NUF2: variants seen among roughly 807,000 people sequenced by gnomAD.
The protein encoded by NUF2 is NUF2 component of NDC80 kinetochore complex, also known as kinetochore protein Nuf2.
Under a neutral mutation model 61.8 loss-of-function variants are expected in NUF2, and 34 were observed. That is an observed-to-expected ratio of 0.55 (90% CI 0.42 to 0.73). The LOEUF is 0.73. NUF2 is among the 30% of genes least tolerant of loss of function. The pLI is 0.00. For missense variants in NUF2, 445 were observed against 539.1 expected (o/e 0.83, Z 1.73); for synonymous variants, 172 against 181.6 (o/e 0.95, Z 0.42).
At chr1:163,336,909 T>C (rs1650778442) in intron 6 of NUF2, 61 bp downstream of exon 6, 2 of 1,057,862 alleles carry the variant, frequency 1.9e-6, no homozygotes, top group South Asian at 2.6e-5. Flanking sequence ...TATGAACTTA[T>C]AATCTGTTTT....
chr1:163,340,627 C>G (rs1650913149), intron 9 of NUF2, among the ~76,000 whole-genome samples: 1 of 152,146 alleles, frequency 6.6e-6, no homozygotes, highest in Non-Finnish European at 1.5e-5. Context: ...AAGTAAACAT[C>G]ACCTGAAAGC....
chr1:163,355,190 CAT>C (rs2101696710), intron 13 of NUF2, 143 bp from the exon 14 acceptor site: 1 of 575,906 alleles, frequency 1.7e-6, no homozygotes, highest in East Asian at 3.2e-5. Context: ...TTAAAGCAGA[CAT>C]AGACATGCAC....
intron 9 of NUF2, among the ~76,000 whole-genome samples, chr1:163,341,769 A>C (rs1650954894): frequency 1.3e-5 from 2 of 152,062 alleles, no homozygotes; most frequent in Non-Finnish European, 2.9e-5. Context: ...CTGGGATTAC[A>C]GGCATCCACC....
intron 13 of NUF2, among the ~76,000 whole-genome samples, chr1:163,352,414 C>A (rs915792427): frequency 1.3e-5 from 2 of 152,232 alleles, no homozygotes; most frequent in South Asian, 4.1e-4. Flanking sequence ...ACTACACTTT[C>A]TTGTTTAAAA....
intron 1 of NUF2, among the ~76,000 whole-genome samples, chr1:163,324,406 T>C (rs1446412017): frequency 6.6e-6 from 1 of 152,210 alleles, no homozygotes; most frequent in African/African-American, 2.4e-5. Context: ...TGTTGTCACA[T>C]GTTCAAGTTG....
chr1:163,330,608 A>ATTTTC (rs1650562968), intron 5 of NUF2, among the ~76,000 whole-genome samples: 1 of 152,092 alleles, frequency 6.6e-6, no homozygotes, highest in South Asian at 2.1e-4. Context: ...CTTCCCCTGA[A>ATTTTC]AAAGCCATTT....
rs1238414798 is a variant in NUF2 at position 163,340,291 on chromosome 1, T to G, written c.607-73T>G. On this transcript the variant is annotated intron_variant, in intron 8 of 13. Transcript: ENST00000271452. ...ATTTAACTCCTTTCTTACCTTAATTTTATGAGACAGCAGTGAGTGGCTAAA... is the reference window on the plus strand; with the variant it reads ...ATTTAACTCCTTTCTTACCTTAATTGTATGAGACAGCAGTGAGTGGCTAAA... 6.3e-6 allele frequency: 7 copies of G among 1,117,276 alleles called. No individual in the cohort carries two copies. In the Admixed American group the frequency reaches 1.5e-4, roughly 23 times the overall value. 69.2% of individuals were successfully genotyped at this position (1,117,276 alleles called of 1,614,324 possible).
intron 13 of NUF2, among the ~76,000 whole-genome samples, chr1:163,350,311 AAAAG>A (rs1249969895): frequency 5.3e-5 from 8 of 152,122 alleles, no homozygotes; most frequent in Non-Finnish European, 1.0e-4. Context: ...CAAAAAAAAA[AAAAG>A]AAAGACTTAG....
chr1:163,340,678 A>G (rs1650914552), intron 9 of NUF2, among the ~76,000 whole-genome samples: 1 of 152,230 alleles, frequency 6.6e-6, no homozygotes, highest in African/African-American at 2.4e-5. Context: ...TGTATTTGCT[A>G]TGCAAATGTA....
intron 9 of NUF2, among the ~76,000 whole-genome samples, chr1:163,341,171 T>C (rs969689810): frequency 6.6e-6 from 1 of 152,042 alleles, no homozygotes; most frequent in Admixed American, 6.6e-5. Context: ...TTTGTTACTG[T>C]TACATTGAAA....
At position 163,338,063 on chromosome 1, in the gene NUF2, A is replaced by G. The variant is rs1650821803; in HGVS notation, c.479A>G (p.Gln160Arg). The change falls in exon 7 of 14, where the codon CAG becomes CGG. Residue 160 changes from glutamine (Q) to arginine (R), a missense_variant. Gln to Arg is a conservative substitution (Grantham distance 43). Transcript: ENST00000271452. ...ATGCAACAGTTAAACGCCGCACACC[A>G]GGAGGCATTAATGAAACTGGAGAGA... Reference protein sequence around the residue: ...DKMQQLNAAHQEALMKLERLD... With the variant: ...DKMQQLNAAHREALMKLERLD... 2 of 1,613,178 alleles carry G rather than the reference A, an allele frequency of 1.2e-6. No individual in the cohort carries two copies. Among genetic ancestry groups the G allele is most frequent in the Non-Finnish European group, 1.7e-6 (2 of 1,179,272 alleles).
chr1:163,355,571 A>C lies in NUF2; in HGVS notation c.*102A>C. The stretch of plus-strand genomic sequence containing the variant: ...ATGGAAGTATCAGAAGTACCAAATA[A>C]TGTTGGCTTCATCAGTTTTTATACA... On this transcript the variant is annotated 3_prime_UTR_variant, in exon 14 of 14. Transcript: ENST00000271452. 1 of 996,836 alleles carries C rather than the reference A, an allele frequency of 1.0e-6. No homozygotes were observed. The highest frequency in any genetic ancestry group is 1.4e-6 in the Non-Finnish European group (1 of 694,600). 61.7% of individuals were successfully genotyped at this position (996,836 alleles called of 1,614,324 possible). A position where few individuals can be genotyped will look rare whatever the true frequency, so the allele number is the denominator to read the frequency against.
At chr1:163,351,060 G>T (rs1651301012) in intron 13 of NUF2, among the ~76,000 whole-genome samples, 1 of 151,962 alleles carries the variant, frequency 6.6e-6, no homozygotes, top group African/African-American at 2.4e-5. Flanking sequence ...TCATATTCAG[G>T]ATAATTAGTC....
intron 11 of NUF2, 91 bp downstream of exon 11, chr1:163,345,909 T>C (rs1388017299): frequency 1.1e-6 from 1 of 908,332 alleles, no homozygotes; most frequent in African/African-American, 1.7e-5. Flanking sequence ...TATGTTTTCC[T>C]AAAGAAAAAC....
At chr1:163,339,542 A>G in intron 8 of NUF2, 65 bp downstream of exon 8, 2 of 900,496 alleles carry the variant, frequency 2.2e-6, no homozygotes, top group South Asian at 2.8e-5. Context: ...GGTGGGACAT[A>G]TAGTGGAGGT....
At chr1:163,347,305 T>G (rs1030899798) in intron 11 of NUF2, among the ~76,000 whole-genome samples, 1 of 152,224 alleles carries the variant, frequency 6.6e-6, no homozygotes, top group Non-Finnish European at 1.5e-5. Context: ...AACAATTTCT[T>G]TTTTGAGATA....
intron 7 of NUF2, among the ~76,000 whole-genome samples, chr1:163,339,016 G>A (rs533952608): frequency 9.9e-5 from 15 of 152,082 alleles, no homozygotes; most frequent in African/African-American, 2.2e-4. Context: ...GACTAGTAGC[G>A]GAAGAATGGA....
chr1:163,325,369 A>G (rs551269664), intron 1 of NUF2, among the ~76,000 whole-genome samples: 15 of 152,328 alleles, frequency 9.8e-5, no homozygotes, highest in African/African-American at 3.4e-4. Flanking sequence ...CCTTGGTGAT[A>G]AAGTTAGAGA....
chr1:163,327,230 G>A (rs1650455078), intron 2 of NUF2, among the ~76,000 whole-genome samples: 1 of 152,008 alleles, frequency 6.6e-6, no homozygotes, highest in Admixed American at 6.6e-5. Flanking sequence ...AGGTGGATGG[G>A]TTGCTTGGAT....
Sources: gnomAD v4.1 joint callset for allele counts (sites outside exome capture counted in the v4.1 genomes callset) on GRCh38, gnomAD v4.1.1 for gene constraint, MANE v1.5 for transcripts, NCBI Gene and HGNC (gene_info 2026-07-23, HGNC 2026-07-21) for gene names.